Variants in CTNNA3 observed in about 807,000 individuals in gnomAD.
CTNNA3 encodes the protein catenin alpha-3.
Under a neutral mutation model 95.7 loss-of-function variants are expected in CTNNA3, and 76 were observed. The ratio of observed to expected loss-of-function variants is 0.79; its 90% CI spans 0.66 to 0.96. The LOEUF (loss-of-function observed/expected upper bound fraction) is 0.96. CTNNA3 is among the 40% of genes least tolerant of loss of function. CTNNA3 has a pLI of 0.00. For synonymous variants in CTNNA3, 431 were observed against 374.4 expected (o/e 1.15, Z -1.74); for missense variants, 1,191 against 1,089.8 (o/e 1.09, Z -1.31).
At chr10:66,775,741 C>T (rs1011048864) in intron 7 of CTNNA3, among the ~76,000 whole-genome samples, 5 of 152,036 alleles carry the variant, frequency 3.3e-5, no homozygotes, top group South Asian at 2.1e-4. Context: ...GTAATATTTC[C>T]GATACGGAGT....
intron 12 of CTNNA3, among the ~76,000 whole-genome samples, chr10:66,353,965 G>A (rs1589130140): frequency 1.3e-5 from 2 of 152,122 alleles, no homozygotes; most frequent in South Asian, 2.1e-4. Context: ...ATCCATATGG[G>A]AGTATCCGTG....
intron 5 of CTNNA3, among the ~76,000 whole-genome samples, chr10:67,481,164 C>G (rs1388348258): frequency 6.6e-6 from 1 of 152,084 alleles, no homozygotes; most frequent in East Asian, 1.9e-4. Flanking sequence ...AACCCATAGC[C>G]AACATCATAC....
chr10:66,839,951 A>T (rs532228125), intron 7 of CTNNA3, among the ~76,000 whole-genome samples: 20 of 152,262 alleles, frequency 1.3e-4, no homozygotes, highest in African/African-American at 4.6e-4. Context: ...TGTTTGAAGT[A>T]TCTGATTTGG....
intron 5 of CTNNA3, among the ~76,000 whole-genome samples, chr10:67,351,930 T>C (rs1842652239): frequency 6.6e-6 from 1 of 152,024 alleles, no homozygotes; most frequent in South Asian, 2.1e-4. Flanking sequence ...AGGCTTAACA[T>C]TCCATTTCCT....
intron 13 of CTNNA3, among the ~76,000 whole-genome samples, chr10:66,259,245 A>G (rs533612628): frequency 6.6e-6 from 1 of 152,192 alleles, no homozygotes; most frequent in Admixed American, 6.5e-5. Context: ...CATGATCCTC[A>G]TTCCCTTCAT....
chr10:66,801,167 G>A (rs1841413027), intron 7 of CTNNA3, among the ~76,000 whole-genome samples: 1 of 151,012 alleles, frequency 6.6e-6, no homozygotes, highest in East Asian at 1.9e-4. Flanking sequence ...AATATTAGGG[G>A]GAAATAAATA....
intron 13 of CTNNA3, among the ~76,000 whole-genome samples, chr10:66,249,537 A>G (rs902993099): frequency 2.0e-5 from 3 of 152,216 alleles, no homozygotes; most frequent in African/African-American, 4.8e-5. Context: ...GGTGCTGAAC[A>G]TCATCAATCA....
rs200967167 is a variant in CTNNA3 at position 67,574,263 on chromosome 10, CT to C, written c.292+32593del. Among the ~76,000 whole-genome samples, 111 of 152,238 alleles carry C rather than the reference CT, an allele frequency of 7.3e-4. 1 individual carries two copies. The East Asian group carries it at 0.019, about 25-fold the overall frequency. On this transcript the variant is annotated intron_variant, in intron 3 of 17. Coordinates refer to ENST00000433211, the MANE Select transcript of CTNNA3 (RefSeq NM_013266.4). ...ATAACTTTAAGTCGTATGCTTATAT[CT>C]CTTTTCTTTGATTGATTTATTTAAG...
At chr10:66,725,027 T>C (rs10997367) in intron 9 of CTNNA3, among the ~76,000 whole-genome samples, 54,825 of 151,954 alleles carry the variant, frequency 0.36, 10,474 homozygotes, top group Non-Finnish European at 0.42. Flanking sequence ...CCTATGCACA[T>C]CCTCCTATTT....
chr10:66,824,097 G>A (rs1842406758), intron 7 of CTNNA3, among the ~76,000 whole-genome samples: 1 of 150,226 alleles, frequency 6.7e-6, no homozygotes, highest in South Asian at 2.1e-4. Context: ...TAATGGTTAA[G>A]AAATGTCATG....
At chr10:67,694,096 A>G (rs1309401048) in intron 1 of CTNNA3, among the ~76,000 whole-genome samples, 1 of 152,144 alleles carries the variant, frequency 6.6e-6, no homozygotes, top group Non-Finnish European at 1.5e-5. Context: ...ATAAATCACT[A>G]TGTCTACATG....
intron 11 of CTNNA3, among the ~76,000 whole-genome samples, chr10:66,494,985 C>G (rs956216847): frequency 3.3e-5 from 5 of 152,186 alleles, no homozygotes; most frequent in Non-Finnish European, 5.9e-5. Context: ...ACAGCTCCCC[C>G]TCATTGCGTA....
At chr10:67,399,107 AG>A (rs1844820135) in intron 5 of CTNNA3, among the ~76,000 whole-genome samples, 1 of 152,094 alleles carries the variant, frequency 6.6e-6, no homozygotes, top group South Asian at 2.1e-4. Flanking sequence ...AGAAAGAGAA[AG>A]GGTGGGTCTT....
At chr10:66,515,929 A>T (rs1273877738) in intron 11 of CTNNA3, among the ~76,000 whole-genome samples, 1 of 152,090 alleles carries the variant, frequency 6.6e-6, no homozygotes, top group Non-Finnish European at 1.5e-5. Flanking sequence ...CATATCAATC[A>T]TTCTTCACAA....
chr10:66,326,072 C>A (rs997684387), intron 12 of CTNNA3, among the ~76,000 whole-genome samples: 5 of 152,036 alleles, frequency 3.3e-5, no homozygotes, highest in Admixed American at 3.3e-4. Context: ...GTAAAATGAA[C>A]AAGCTCAATC....
intron 17 of CTNNA3, among the ~76,000 whole-genome samples, chr10:65,944,117 G>A (rs1349332242): frequency 2.0e-5 from 3 of 152,314 alleles, no homozygotes; most frequent in South Asian, 4.1e-4. Flanking sequence ...CTGAAAGGTT[G>A]GCAAAGGAAG....
At chr10:67,190,479 T>G (rs1380206141) in intron 6 of CTNNA3, among the ~76,000 whole-genome samples, 1 of 151,990 alleles carries the variant, frequency 6.6e-6, no homozygotes, top group East Asian at 1.9e-4. Flanking sequence ...AGTAAAGTTT[T>G]AATTTTTTAA....
rs375619817 is a variant in CTNNA3, at chr10:66,109,730, T to C, written c.1885-6481A>G. Among the ~76,000 whole-genome samples the C allele has an allele frequency of 2.2e-4, 34 of 152,246 alleles. No individual in the cohort carries two copies. In the East Asian group the frequency reaches 5.6e-3, roughly 25 times the overall value. On this transcript the variant is annotated intron_variant, in intron 13 of 17. Transcript: ENST00000433211. ...AGACAAAAGAGAGAAGACATTTTAG[T>C]CTTAACCAGACTACTGGAAGAAGAT...
intron 11 of CTNNA3, among the ~76,000 whole-genome samples, chr10:66,507,673 A>T (rs535530293): frequency 1.2e-3 from 177 of 152,094 alleles, no homozygotes; most frequent in African/African-American, 3.9e-3. Flanking sequence ...CAACGACAAT[A>T]TTTCATTTTT....
Sources: allele counts gnomAD v4.1 joint callset (sites outside exome capture counted in the v4.1 genomes callset), GRCh38; gene constraint gnomAD v4.1.1; transcripts MANE v1.5; gene names NCBI Gene and HGNC (gene_info 2026-07-23, HGNC 2026-07-21).